Variants in SLC1A5 observed in about 807,000 individuals in gnomAD.
SLC1A5 encodes the protein neutral amino acid transporter B(0).
Under a neutral mutation model 34.9 loss-of-function variants are expected in SLC1A5, and 25 were observed. The observed-to-expected ratio is 0.72, with a 90% CI of 0.52 to 1.00. The LOEUF is 1.00. SLC1A5 is among the 50% of genes least tolerant of loss of function. The pLI is 0.00. For missense variants in SLC1A5, 637 were observed against 740.0 expected (o/e 0.86, Z 1.61); for synonymous variants, 351 against 341.2 (o/e 1.03, Z -0.32).
In SLC1A5 at chr19:46,787,435, G is replaced by A. The variant is rs187861286; in HGVS notation, c.531C>T (p.Ser177=). 1.4e-5 allele frequency: 23 copies of A among 1,602,310 alleles called. No homozygotes were observed. The Admixed American group carries it at 3.9e-4, about 28-fold the overall frequency. ...GAAGSAENAP[S]KEVLDSFLDL... ...CCAGGAACGAATCGAGCACCTCCTT[G>A]CTGGGGGCATTTTCGGCACTGCCCG... The change falls in exon 1 of 8, where the codon AGC becomes AGT. Residue 177 remains serine (S), a synonymous_variant. Coordinates refer to ENST00000542575, the MANE Select transcript of SLC1A5 (RefSeq NM_005628.3). This position sits in a 1 kb window ranked among gnomAD's most constrained non-coding sequence, Gnocchi z 5.2.
At chr19:46,779,015 G>A in intron 4 of SLC1A5, 107 bp from the exon 5 acceptor site, 1 of 768,572 alleles carries the variant, frequency 1.3e-6, no homozygotes. Flanking sequence ...GAGGTCAGGA[G>A]AAGCCCCAGC....
Position 46,777,297 on chromosome 19 carries a change from A to G in SLC1A5, c.1167T>C (p.Gly389=). 2 of 1,613,748 alleles carry G rather than the reference A, an allele frequency of 1.2e-6. No individual in the cohort carries two copies. The highest frequency in any genetic ancestry group is 1.7e-6 in the Non-Finnish European group (2 of 1,179,986). Residue 389 remains glycine, a synonymous_variant, in exon 6 of 8, where the codon GGT becomes GGC. Coordinates refer to ENST00000542575, the MANE Select transcript of SLC1A5 (RefSeq NM_005628.3). ...LPIGATVNMD[G]AALFQCVAAV... ...CGGCCACGCACTGGAAGAGCGCGGCACCGTCCATGTTGACGGTGGCGCCGA... is the reference window on the plus strand; with the variant it reads ...CGGCCACGCACTGGAAGAGCGCGGCGCCGTCCATGTTGACGGTGGCGCCGA...
chr19:46,781,108 G>A (rs1024712896), intron 4 of SLC1A5, among the ~76,000 whole-genome samples: 14 of 152,204 alleles, frequency 9.2e-5, no homozygotes, highest in Admixed American at 2.0e-4. Flanking sequence ...AGCAACCCCC[G>A]GAGGGAGGTC....
chr19:46,775,375 G>A lies in SLC1A5; in HGVS notation c.*135C>T. 6.6e-7 allele frequency: 1 copy of A among 1,504,524 alleles called. No individual in the cohort carries two copies. Among genetic ancestry groups the A allele is most frequent in the Non-Finnish European group, 8.8e-7 (1 of 1,130,106 alleles). 93.2% of individuals were successfully genotyped at this position (1,504,524 alleles called of 1,614,324 possible). A position where few individuals can be genotyped will look rare whatever the true frequency, so the allele number is the denominator to read the frequency against. On this transcript the variant is annotated 3_prime_UTR_variant, in exon 8 of 8. Coordinates refer to ENST00000542575, the MANE Select transcript of SLC1A5 (RefSeq NM_005628.3). ...CAGGCATCCCAGATCTCCTGTCCTG[G>A]AGGGTGCTGGGGCCCCTGGCTCCCC... is the stretch of plus-strand genomic sequence containing the variant.
intron 3 of SLC1A5, 41 bp from the exon 4 acceptor site, chr19:46,782,590 T>C (rs746817259): frequency 1.9e-6 from 3 of 1,610,220 alleles, no homozygotes; most frequent in Non-Finnish European, 2.5e-6. Flanking sequence ...GGACACTCAG[T>C]CTACCTGCAC....
In SLC1A5 at chr19:46,786,267, G is replaced by GT. The variant is rs2055185713; in HGVS notation, c.566+1132_566+1133insA. On this transcript the variant is annotated intron_variant, in intron 1 of 7. Transcript: ENST00000542575. ...TTGTCGAGATGCTACAGCCTCAGCT[G>GT]AGTGTCTGCGTGAATGTGTCCAGCT... Among the ~76,000 whole-genome samples the GT allele has an allele frequency of 2.6e-5, 4 of 152,174 alleles. No individual in the cohort carries two copies. The East Asian group carries it at 7.7e-4, about 29-fold the overall frequency.
chr19:46,774,959 TC>T lies in SLC1A5; in HGVS notation c.*550del. 1.0e-6 allele frequency: 1 copy of T among 986,022 alleles called. No individual in the cohort carries two copies. Among genetic ancestry groups the T allele is most frequent in the Non-Finnish European group, 1.2e-6 (1 of 830,134 alleles). The allele number at this position is 986,022 out of a possible 1,614,324, so 61.1% of individuals were successfully genotyped here. A position where few individuals can be genotyped will look rare whatever the true frequency, so the allele number is the denominator to read the frequency against. On this transcript the variant is annotated 3_prime_UTR_variant, in exon 8 of 8. Coordinates refer to ENST00000542575, the MANE Select transcript of SLC1A5 (RefSeq NM_005628.3). ...ACAGCAGGTATTTGTCCTCAGCCTC[TC>T]CCCAGAGTCCCTGGGAGTGTTTCTG...
At position 46,787,702 on chromosome 19, in the gene SLC1A5, G is replaced by A. The variant is rs776625838; in HGVS notation, c.264C>T (p.Ala88=). The A allele has an allele frequency of 1.0e-5, 16 of 1,584,940 alleles. No homozygotes were observed. The highest frequency in any genetic ancestry group is 1.7e-6 in the Non-Finnish European group (2 of 1,170,326). Residue 88 remains alanine (A), a synonymous_variant, in exon 1 of 8, where the codon GCC becomes GCT. Transcript: ENST00000542575. This position sits in a 1 kb window ranked among gnomAD's most constrained non-coding sequence, Gnocchi z 5.2. ...ALALGPERLS[A]FVFPGELLLR... is the part of the protein sequence containing the mutation. Reference sequence around the variant, plus strand: ...GCAGCAGCTCGCCCGGGAAGACGAAGGCGCTCAAGCGCTCCGGGCCCAACG... The same window carrying A: ...GCAGCAGCTCGCCCGGGAAGACGAAAGCGCTCAAGCGCTCCGGGCCCAACG...
intron 4 of SLC1A5, 32 bp downstream of exon 4, chr19:46,782,351 A>ACCCCCCCCCCCCCCCCCCACCCC: frequency 3.9e-6 from 1 of 256,186 alleles, no homozygotes. Flanking sequence ...CTCCAACCCC[A>ACCCCCCCCCCCCCCCCCCACCCC]CCCACCCCCA....
Position 46,778,889 on chromosome 19 carries a change from T to G in SLC1A5, c.844A>C (p.Met282Leu). Residue 282 changes from methionine (M) to leucine (L), a missense_variant, in exon 5 of 8, where the codon ATG (methionine) becomes CTG (leucine). By Grantham distance (15) the Met-to-Leu change is conservative (BLOSUM62 2). Transcript: ENST00000542575. ...ACGATCTTGCCAGCCACCAGGAACA[T>G]GATGCCCACAGGGGCGTACCTGATC... ...WIMWYAPVGI[M>L]FLVAGKIVEM... 1 of 1,579,056 alleles carries G rather than the reference T, an allele frequency of 6.3e-7. No homozygotes were observed. The highest frequency in any genetic ancestry group is 8.6e-7 in the Non-Finnish European group (1 of 1,163,150).
intron 3 of SLC1A5, among the ~76,000 whole-genome samples, 189 bp downstream of exon 3, chr19:46,783,908 C>T (rs2055166803): frequency 6.7e-6 from 1 of 149,632 alleles, no homozygotes; most frequent in South Asian, 2.1e-4. Context: ...AAGGAAGAGC[C>T]TGGGCACCTG....
chr19:46,782,262 A>C (rs2055151480), intron 4 of SLC1A5, 121 bp downstream of exon 4: 4 of 735,622 alleles, frequency 5.4e-6, no homozygotes, highest in Non-Finnish European at 9.0e-6. Flanking sequence ...AATGCAGGTC[A>C]TCTGGCTCCA....
At position 46,775,190 on chromosome 19, in the gene SLC1A5, T is replaced by C; in HGVS notation, c.*320A>G. 1 of 1,088,544 alleles carries C rather than the reference T, an allele frequency of 9.2e-7. No individual in the cohort carries two copies. Among genetic ancestry groups the C allele is most frequent in the Non-Finnish European group, 1.1e-6 (1 of 893,154 alleles). The allele number at this position is 1,088,544 out of a possible 1,614,324, so 67.4% of individuals were successfully genotyped here. A position where few individuals can be genotyped will look rare whatever the true frequency, so the allele number is the denominator to read the frequency against. On this transcript the variant is annotated 3_prime_UTR_variant, in exon 8 of 8. Coordinates refer to ENST00000542575, the MANE Select transcript of SLC1A5 (RefSeq NM_005628.3). The stretch of plus-strand genomic sequence containing the variant: ...GGCTAGAATTCCCCATGGTGACCTG[T>C]GACCTGCTCCCTGAGACAGGGGAGG...
rs370646227 is a variant in SLC1A5 at position 46,778,636 on chromosome 19, G to A, written c.1058+39C>T. 16 of 1,375,626 alleles carry A rather than the reference G, an allele frequency of 1.2e-5. 1 individual carries two copies. The highest frequency in any genetic ancestry group is 2.2e-4 in the Middle Eastern group (1 of 4,506). The allele number at this position is 1,375,626 out of a possible 1,614,324, so 85.2% of individuals were successfully genotyped here. ...TTTCATCCGCTCCATGCCGCTTAGC[G>A]GATTAAACATCCCACCCTAGCCCAC... On this transcript the variant is annotated intron_variant, in intron 5 of 7. Coordinates refer to ENST00000542575, the MANE Select transcript of SLC1A5 (RefSeq NM_005628.3).
intron 7 of SLC1A5, among the ~76,000 whole-genome samples, 170 bp from the exon 8 acceptor site, chr19:46,775,917 T>TA (rs78641737): frequency 9.7e-4 from 139 of 143,086 alleles, no homozygotes; most frequent in East Asian, 2.2e-3. Context: ...TATATATATT[T>TA]AAAAAAAAAA....
intron 4 of SLC1A5, among the ~76,000 whole-genome samples, chr19:46,779,538 C>T (rs2122686862): frequency 6.6e-6 from 1 of 152,052 alleles, no homozygotes; most frequent in South Asian, 2.1e-4. Context: ...GCGCCATTCA[C>T]ACTTCCTGGG....
intron 7 of SLC1A5, chr19:46,776,755 G>A: frequency 1.9e-6 from 1 of 534,472 alleles, no homozygotes; most frequent in Non-Finnish European, 3.3e-6. Context: ...AGAGTCTGCT[G>A]TATTCACCAC....
Position 46,777,450 on chromosome 19 carries a change from G to T in SLC1A5, c.1059-45C>A, listed in dbSNP as rs749131651. The T allele has an allele frequency of 1.7e-5, 26 of 1,536,324 alleles. No homozygotes were observed. The South Asian group carries it at 2.9e-4, about 17-fold the overall frequency. On this transcript the variant is annotated intron_variant, in intron 5 of 7. Coordinates refer to ENST00000542575, the MANE Select transcript of SLC1A5 (RefSeq NM_005628.3). ...TGAGTTAGGTTAACCTGCTGACCGG[G>T]GCTCCGCCCACCCTCCAGGTCCAGC... is the stretch of plus-strand genomic sequence containing the variant.
chr19:46,777,195 G>A lies in SLC1A5; in HGVS notation c.1253+16C>T. ...CAGGGGTCCGGGGGTCCCATCCGCA[G>A]CCCCCTGACACTCACAGGATGGTGA... On this transcript the variant is annotated intron_variant, in intron 6 of 7. Transcript: ENST00000542575. 6.2e-7 allele frequency: 1 copy of A among 1,601,318 alleles called. No individual in the cohort carries two copies. Among genetic ancestry groups the A allele is most frequent in the Middle Eastern group, 1.7e-4 (1 of 5,974 alleles).
Sources: allele counts gnomAD v4.1 joint callset (sites outside exome capture counted in the v4.1 genomes callset), GRCh38; gene constraint gnomAD v4.1.1; non-coding constraint Gnocchi (gnomAD v3.1); transcripts MANE v1.5; gene names NCBI Gene and HGNC (gene_info 2026-07-23, HGNC 2026-07-21).